NXPH2: variants seen among roughly 807,000 people sequenced by gnomAD.
NXPH2 encodes neurexophilin-2.
NXPH2 carries 5 observed loss-of-function variants against 19.8 expected under a neutral mutation model. That is an observed-to-expected ratio of 0.25 (90% CI 0.13 to 0.53). The LOEUF (loss-of-function observed/expected upper bound fraction) is 0.53, where lower values mean the gene tolerates loss of function less well. Ranked by LOEUF, NXPH2 falls within the 20% of genes least tolerant of loss-of-function variation. NXPH2 has a pLI of 0.96. For synonymous variants in NXPH2, 154 were observed against 127.4 expected (o/e 1.21, Z -1.41); for missense variants, 289 against 322.8 (o/e 0.90, Z 0.80).
intron 1 of NXPH2, among the ~76,000 whole-genome samples, chr2:138,718,013 A>C (rs1174926314): frequency 6.6e-6 from 1 of 152,110 alleles, no homozygotes; most frequent in African/African-American, 2.4e-5. Flanking sequence ...AAAATGCCAT[A>C]AGAAATAAAA....
At chr2:138,735,014 G>A (rs552438821) in intron 1 of NXPH2, among the ~76,000 whole-genome samples, 1 of 152,292 alleles carries the variant, frequency 6.6e-6, no homozygotes, top group African/African-American at 2.4e-5. Context: ...GACCAAACAG[G>A]AAGAAGGTGA....
intron 1 of NXPH2, among the ~76,000 whole-genome samples, chr2:138,686,904 AG>A (rs1248897826): frequency 6.6e-6 from 1 of 152,154 alleles, no homozygotes; most frequent in Non-Finnish European, 1.5e-5. Flanking sequence ...ATGGCTGCAT[AG>A]TATTCCATGG....
chr2:138,778,582 A>T (rs1682301908), intron 1 of NXPH2, among the ~76,000 whole-genome samples: 1 of 152,202 alleles, frequency 6.6e-6, no homozygotes, highest in Non-Finnish European at 1.5e-5. Context: ...TACACAGTTC[A>T]TATTTATTAA....
intron 1 of NXPH2, among the ~76,000 whole-genome samples, chr2:138,695,499 T>C (rs991114703): frequency 6.6e-6 from 1 of 152,174 alleles, no homozygotes; most frequent in African/African-American, 2.4e-5. Flanking sequence ...TGTGAAGATA[T>C]TACTTCTGCC....
intron 1 of NXPH2, among the ~76,000 whole-genome samples, chr2:138,684,042 G>C (rs1415100723): frequency 3.3e-5 from 5 of 152,146 alleles, no homozygotes; most frequent in Non-Finnish European, 7.4e-5. Flanking sequence ...ATTTGAAACT[G>C]ATAATTGTGT....
At chr2:138,717,296 C>A (rs938230417) in intron 1 of NXPH2, among the ~76,000 whole-genome samples, 1 of 152,002 alleles carries the variant, frequency 6.6e-6, no homozygotes, top group African/African-American at 2.4e-5. Context: ...ACCTGGAGAA[C>A]GTTTAACAGT....
In NXPH2 at chr2:138,671,619, T is replaced by A; in HGVS notation, c.98A>T (p.Asp33Val). 1 of 1,602,616 alleles carries A rather than the reference T, an allele frequency of 6.2e-7. No individual in the cohort carries two copies. The highest frequency in any genetic ancestry group is 8.5e-7 in the Non-Finnish European group (1 of 1,174,940). Residue 33 changes from aspartate to valine, a missense_variant, in exon 2 of 2, where the codon GAT becomes GTT. Coordinates refer to ENST00000272641, the MANE Select transcript of NXPH2 (RefSeq NM_007226.3). ...CCCTGGAGCATCTTTGTCTTCCCAA[T>A]CCAGCCCCTCCGTGGCATGCACCAC... The part of the protein sequence containing the change: ...KEVVHATEGL[D>V]WEDKDAPGTL...
intron 1 of NXPH2, among the ~76,000 whole-genome samples, chr2:138,741,383 G>A (rs775243162): frequency 1.2e-4 from 19 of 152,196 alleles, no homozygotes; most frequent in Admixed American, 2.0e-4. Flanking sequence ...GTGGAAGAAT[G>A]TTCTTGAGAG....
intron 1 of NXPH2, among the ~76,000 whole-genome samples, chr2:138,710,428 G>A (rs1229109038): frequency 6.6e-6 from 1 of 152,082 alleles, no homozygotes; most frequent in African/African-American, 2.4e-5. Flanking sequence ...ATATATCCAG[G>A]AGAGGAATTG....
intron 1 of NXPH2, among the ~76,000 whole-genome samples, chr2:138,700,487 G>T (rs1240437229): frequency 6.6e-6 from 1 of 152,142 alleles, no homozygotes; most frequent in Non-Finnish European, 1.5e-5. Flanking sequence ...GGAAAAAAGA[G>T]AATTTTCACA....
At position 138,744,344 on chromosome 2, in the gene NXPH2, GT is replaced by G. The variant is rs776072133; in HGVS notation, c.51+35846del. ...ATGTTTTCCGTCAAAATAAATAAAA[GT>G]GAAAACAAAAAAGACAAGGCTTTTC... On this transcript the variant is annotated intron_variant, in intron 1 of 1. Transcript: ENST00000272641. 5.9e-5 allele frequency among the ~76,000 whole-genome samples: 9 copies of G among 152,098 alleles called. No homozygotes were observed. The South Asian group carries it at 1.5e-3, about 25-fold the overall frequency.
chr2:138,710,652 A>G (rs1022820020), intron 1 of NXPH2, among the ~76,000 whole-genome samples: 2 of 152,180 alleles, frequency 1.3e-5, no homozygotes, highest in East Asian at 1.9e-4. Flanking sequence ...CCTAGACTCT[A>G]TGAGATAAAT....
At chr2:138,738,583 A>G (rs1278464069) in intron 1 of NXPH2, among the ~76,000 whole-genome samples, 1 of 152,192 alleles carries the variant, frequency 6.6e-6, no homozygotes, top group African/African-American at 2.4e-5. Flanking sequence ...AGATTTCCTC[A>G]ATCACTTCAA....
intron 1 of NXPH2, among the ~76,000 whole-genome samples, chr2:138,732,409 A>G (rs1035939083): frequency 1.3e-5 from 2 of 152,170 alleles, no homozygotes; most frequent in Non-Finnish European, 2.9e-5. Context: ...TTAGGTAAGG[A>G]GGACAAGTAG....
chr2:138,695,636 G>C lies in NXPH2; in HGVS notation c.52-23971C>G, dbSNP rs546957645. On this transcript the variant is annotated intron_variant, in intron 1 of 1. Coordinates refer to ENST00000272641, the MANE Select transcript of NXPH2 (RefSeq NM_007226.3). ...TTTCTTGAAATCAGAAACCTGACTA[G>C]TGAGGTTAAAATGCAAAAATAAACT... 6.2e-4 allele frequency among the ~76,000 whole-genome samples: 94 copies of C among 152,148 alleles called. 3 individuals are homozygous for C. In the South Asian group the frequency reaches 0.019, roughly 31 times the overall value.
intron 1 of NXPH2, among the ~76,000 whole-genome samples, chr2:138,737,254 T>G (rs1341226660): frequency 2.6e-5 from 4 of 152,180 alleles, no homozygotes; most frequent in African/African-American, 9.7e-5. Flanking sequence ...AGAGGTTTAA[T>G]AGACTCACAG....
At chr2:138,702,313 G>T (rs376765673) in intron 1 of NXPH2, among the ~76,000 whole-genome samples, 189 of 152,214 alleles carry the variant, frequency 1.2e-3, no homozygotes, top group African/African-American at 4.4e-3. Flanking sequence ...GAGACAGGAA[G>T]TCTTGCTATT....
At chr2:138,716,415 C>T (rs1681195889) in intron 1 of NXPH2, among the ~76,000 whole-genome samples, 1 of 152,152 alleles carries the variant, frequency 6.6e-6, no homozygotes, top group Non-Finnish European at 1.5e-5. Flanking sequence ...TGTGAGGCCT[C>T]ATTGAGAACA....
chr2:138,700,542 T>G (rs1432847575), intron 1 of NXPH2, among the ~76,000 whole-genome samples: 2 of 152,162 alleles, frequency 1.3e-5, no homozygotes, highest in African/African-American at 4.8e-5. Context: ...TATTTTGCAC[T>G]GACATTTAAT....
Sources: allele counts gnomAD v4.1 joint callset (sites outside exome capture counted in the v4.1 genomes callset), GRCh38; gene constraint gnomAD v4.1.1; transcripts MANE v1.5; gene names NCBI Gene and HGNC (gene_info 2026-07-23, HGNC 2026-07-21).